The following SERINC3 variants were observed in gnomAD, a reference collection of about 807,000 sequenced individuals.
The protein encoded by SERINC3 is tumor differentially expressed protein 1.
In SERINC3, 22 loss-of-function variants were observed where a neutral mutation model predicts 52.1. The observed-to-expected ratio is 0.42, with a 90% CI of 0.30 to 0.60. SERINC3 has a LOEUF of 0.60. Among genes scored for constraint, SERINC3 ranks in the 20% least tolerant of loss-of-function variants. The pLI is 0.16. For synonymous variants in SERINC3, 226 were observed against 212.7 expected (o/e 1.06, Z -0.54); for missense variants, 564 against 584.6 (o/e 0.96, Z 0.36).
intron 1 of SERINC3, among the ~76,000 whole-genome samples, chr20:44,514,467 A>G (rs767691224): frequency 4.6e-5 from 7 of 152,256 alleles, no homozygotes; most frequent in Non-Finnish European, 8.8e-5. Context: ...ATATTACAAC[A>G]TAAAGCAACA....
intron 2 of SERINC3, 27 bp downstream of exon 2, chr20:44,513,852 T>C (rs1568789851): frequency 2.0e-6 from 3 of 1,506,770 alleles, no homozygotes; most frequent in East Asian, 2.4e-5. Context: ...AAATAACCAA[T>C]ACCTTAAGGG....
At chr20:44,517,181 A>G (rs533053465) in intron 1 of SERINC3, among the ~76,000 whole-genome samples, 14 of 152,352 alleles carry the variant, frequency 9.2e-5, no homozygotes, top group African/African-American at 2.9e-4. Flanking sequence ...GATGTCAGGA[A>G]TATAAAGAAC....
Position 44,513,754 on chromosome 20 carries a change from C to A in SERINC3, c.201+125G>T, listed in dbSNP as rs539046875. The A allele has an allele frequency of 7.2e-5, 52 of 726,206 alleles. No individual in the cohort carries two copies. The African/African-American group carries it at 9.0e-4, about 13-fold the overall frequency. The allele number at this position is 726,206 out of a possible 1,614,324, so 45.0% of individuals were successfully genotyped here. On this transcript the variant is annotated intron_variant, in intron 2 of 9. Transcript: ENST00000342374. ...TCATATTTCTGTGTTTTGACCACAC[C>A]CCCATATAAGTAAAAAATCTCCAAA...
intron 8 of SERINC3, among the ~76,000 whole-genome samples, chr20:44,501,647 T>C (rs1477026492): frequency 2.0e-5 from 3 of 152,354 alleles, no homozygotes; most frequent in East Asian, 3.9e-4. Flanking sequence ...CTTCTCTGAC[T>C]TGCTGTCATG....
At chr20:44,521,252 C>T (rs2064414666) in intron 1 of SERINC3, among the ~76,000 whole-genome samples, 1 of 152,182 alleles carries the variant, frequency 6.6e-6, no homozygotes, top group Non-Finnish European at 1.5e-5. Context: ...TTTATAGGCC[C>T]TATAATTTTC....
rs775987758 is a variant in SERINC3 at position 44,500,303 on chromosome 20, A to T, written c.1415T>A (p.Phe472Tyr). Residue 472 changes from phenylalanine (F) to tyrosine (Y), a missense_variant, in exon 10 of 10, where the codon TTC becomes TAC. Coordinates refer to ENST00000342374, the MANE Select transcript of SERINC3 (RefSeq NM_006811.4). ...VAPLVLTSRD[F>Y]S is the part of the protein sequence containing the mutation. ...TCCTTGGCACTCAGAGGTTCAGCTG[A>T]AGTCCCGACTGGTGAGGACAAGTGG... The T allele has an allele frequency of 1.2e-6, 2 of 1,611,974 alleles. No homozygotes were observed. Among genetic ancestry groups the T allele is most frequent in the African/African-American group, 2.7e-5 (2 of 75,044 alleles).
At chr20:44,503,328 T>C (rs1199106882) in intron 8 of SERINC3, among the ~76,000 whole-genome samples, 3 of 152,202 alleles carry the variant, frequency 2.0e-5, no homozygotes, top group Non-Finnish European at 2.9e-5. Flanking sequence ...AGAACAAATT[T>C]GGAGGACTCA....
At chr20:44,517,438 G>A (rs2064387381) in intron 1 of SERINC3, among the ~76,000 whole-genome samples, 1 of 152,162 alleles carries the variant, frequency 6.6e-6, no homozygotes, top group Non-Finnish European at 1.5e-5. Context: ...AGGTTATATG[G>A]AGTAGAGTGA....
In SERINC3 at chr20:44,511,281, A is replaced by G; in HGVS notation, c.475+8T>C. On this transcript the variant is annotated splice_region_variant and intron_variant, in intron 4 of 9. Coordinates refer to ENST00000342374, the MANE Select transcript of SERINC3 (RefSeq NM_006811.4). ...TTTAAAATTAACCCCCTCAATGGTG[A>G]ACCCTACCTGAGCTGAAATAGCCCC... 6.3e-7 allele frequency: 1 copy of G among 1,581,414 alleles called. No homozygotes were observed.
intron 8 of SERINC3, 110 bp downstream of exon 8, chr20:44,503,705 A>G: frequency 2.4e-6 from 2 of 827,636 alleles, no homozygotes; most frequent in South Asian, 4.1e-5. Flanking sequence ...CTTTTCATTA[A>G]AGAGAGTGAA....
intron 3 of SERINC3, 62 bp downstream of exon 3, chr20:44,512,739 A>G: frequency 7.5e-7 from 1 of 1,331,682 alleles, no homozygotes; most frequent in Non-Finnish European, 1.0e-6. Context: ...GGCTATATTA[A>G]CTGCTGAAGG....
intron 2 of SERINC3, among the ~76,000 whole-genome samples, chr20:44,513,529 G>A (rs2064361304): frequency 6.6e-6 from 1 of 152,136 alleles, no homozygotes. Context: ...GGATGAAGAG[G>A]CTGTGTGCCA....
chr20:44,519,485 G>C, intron 1 of SERINC3: 2 of 499,066 alleles, frequency 4.0e-6, no homozygotes, highest in Non-Finnish European at 5.2e-6. Flanking sequence ...TCTCTATATG[G>C]GTGCATCAGA....
intron 3 of SERINC3, among the ~76,000 whole-genome samples, chr20:44,512,364 G>A (rs1025383641): frequency 1.3e-5 from 2 of 148,876 alleles, no homozygotes; most frequent in African/African-American, 2.5e-5. Flanking sequence ...TAGAAACATA[G>A]GTAAAAGGTG....
At chr20:44,502,973 C>T in intron 8 of SERINC3, among the ~76,000 whole-genome samples, 1 of 152,050 alleles carries the variant, frequency 6.6e-6, no homozygotes, top group South Asian at 2.1e-4. Flanking sequence ...TTTATAATAC[C>T]ATCGAAAAGA....
At position 44,500,435 on chromosome 20, in the gene SERINC3, C is replaced by G; in HGVS notation, c.1284-1G>C. ...CATGCTCTGAAACTTTGCATCAGGG[C>G]TAAGAAAACAAGAGAGAGTCAGGTA... is the stretch of plus-strand genomic sequence containing the variant. On this transcript the variant is annotated splice_acceptor_variant, in intron 9 of 9. Coordinates refer to ENST00000342374, the MANE Select transcript of SERINC3 (RefSeq NM_006811.4). LOFTEE classifies it high-confidence loss of function. The G allele has an allele frequency of 6.4e-7, 1 of 1,560,982 alleles. No homozygotes were observed. Among genetic ancestry groups the G allele is most frequent in the Non-Finnish European group, 8.7e-7 (1 of 1,151,706 alleles).
intron 8 of SERINC3, 48 bp downstream of exon 8, chr20:44,503,767 T>G: frequency 1.4e-6 from 2 of 1,416,302 alleles, no homozygotes; most frequent in Non-Finnish European, 1.9e-6. Context: ...TTCTTCACTT[T>G]ATTATCAACC....
chr20:44,515,935 G>A (rs1266085989), intron 1 of SERINC3, among the ~76,000 whole-genome samples: 4 of 152,072 alleles, frequency 2.6e-5, no homozygotes, highest in African/African-American at 7.2e-5. Flanking sequence ...GATTACAGGC[G>A]TGAGATACTG....
intron 1 of SERINC3, among the ~76,000 whole-genome samples, chr20:44,515,125 G>A (rs535046856): frequency 1.3e-5 from 2 of 152,298 alleles, no homozygotes; most frequent in South Asian, 4.1e-4. Flanking sequence ...AGGCTGAGGT[G>A]GGCAGGTCAC....
Sources: gnomAD v4.1 joint callset for allele counts (sites outside exome capture counted in the v4.1 genomes callset) on GRCh38, gnomAD v4.1.1 for gene constraint, MANE v1.5 for transcripts, NCBI Gene and HGNC (gene_info 2026-07-23, HGNC 2026-07-21) for gene names.